Variants in SCAI observed in about 807,000 individuals in gnomAD.
SCAI encodes suppressor of cancer cell invasion.
SCAI carries 24 observed loss-of-function variants against 92.2 expected under a neutral mutation model. The observed-to-expected ratio is 0.26, with a 90% CI of 0.19 to 0.37. The LOEUF (loss-of-function observed/expected upper bound fraction) is 0.37, where lower values mean the gene tolerates loss of function less well. SCAI is among the 10% of genes least tolerant of loss of function. The pLI is 1.00. For synonymous variants in SCAI, 261 were observed against 258.6 expected, an observed-to-expected ratio of 1.01 and a Z score of -0.09; for missense variants, 450 against 736.2, an observed-to-expected ratio of 0.61 and a Z score of 4.50.
chr9:125,090,184 T>A (rs1257416356), intron 2 of SCAI, among the ~76,000 whole-genome samples: 1 of 152,168 alleles, frequency 6.6e-6, no homozygotes, highest in Non-Finnish European at 1.5e-5. Flanking sequence ...AATTAACAAA[T>A]GATGAATACT....
chr9:124,950,090 G>GTC lies in SCAI; in HGVS notation c.*2715_*2716dup, dbSNP rs976222367. 4 of 152,090 alleles carry GTC rather than the reference G, an allele frequency of 2.6e-5. No homozygotes were observed. Among genetic ancestry groups the GTC allele is most frequent in the African/African-American group, 9.7e-5 (4 of 41,394 alleles). 9.4% of individuals were successfully genotyped at this position (152,090 alleles called of 1,614,324 possible). On this transcript the variant is annotated 3_prime_UTR_variant, in exon 18 of 18. Coordinates refer to ENST00000336505, the MANE Select transcript of SCAI (RefSeq NM_001144877.3). ...TAAAAGCTCTAATTTCCTCAGGAGA[G>GTC]TCTCTGTCTGTACTAGTTTCTAAAA...
At chr9:124,968,501 G>A (rs1164151804) in intron 17 of SCAI, 1 of 871,116 alleles carries the variant, frequency 1.1e-6, no homozygotes, top group East Asian at 2.4e-5. Flanking sequence ...TGATCACGTA[G>A]GTTGCTAGAT....
chr9:125,026,906 G>A lies in SCAI; in HGVS notation c.418C>T (p.Arg140Cys), dbSNP rs1161510823. The A allele has an allele frequency of 3.8e-6, 6 of 1,569,854 alleles. No homozygotes were observed. The highest frequency in any genetic ancestry group is 5.2e-6 in the Non-Finnish European group (6 of 1,145,462). ...IGQLYYHYYL[R>C]TSETSYLNEA... ...TTCAGATAGCTGGTTTCCGATGTGCGTAAGCTATGAGAAAAAATATATTTT... is the reference window on the plus strand; with the variant it reads ...TTCAGATAGCTGGTTTCCGATGTGCATAAGCTATGAGAAAAAATATATTTT... Residue 140 changes from arginine to cysteine, a missense_variant, in exon 6 of 18, where the codon CGC becomes TGC. Physicochemically the swap from Arg to Cys is radical, Grantham distance 180. Around this residue, in one of 3 missense-constraint regions of SCAI, gnomAD observed 360 missense variants for 601.8 expected, o/e 0.60. Coordinates refer to ENST00000336505, the MANE Select transcript of SCAI (RefSeq NM_001144877.3).
intron 14 of SCAI, among the ~76,000 whole-genome samples, chr9:124,979,832 G>A (rs1299163817): frequency 2.0e-5 from 3 of 152,056 alleles, no homozygotes; most frequent in African/African-American, 2.4e-5. Context: ...GGCGGATCAC[G>A]AGGTCGGGTG....
At position 125,002,059 on chromosome 9, in the gene SCAI, A is replaced by G; in HGVS notation, c.1066-16T>C. ...CAGGCAGCTCCTGAAATGAAAGAAA[A>G]TCACATACACAAAACAACAAACAAG... On this transcript the variant is annotated splice_polypyrimidine_tract_variant and intron_variant, in intron 11 of 17. Coordinates refer to ENST00000336505, the MANE Select transcript of SCAI (RefSeq NM_001144877.3). The G allele has an allele frequency of 6.4e-7, 1 of 1,563,956 alleles. No individual in the cohort carries two copies. Among genetic ancestry groups the G allele is most frequent in the Non-Finnish European group, 8.8e-7 (1 of 1,133,946 alleles).
At chr9:125,084,260 T>A (rs551872222) in intron 2 of SCAI, among the ~76,000 whole-genome samples, 3 of 134,634 alleles carry the variant, frequency 2.2e-5, no homozygotes, top group African/African-American at 8.3e-5. Context: ...AAGCTCCGCC[T>A]CCCAGGTTCA....
Position 125,110,703 on chromosome 9 carries a change from C to T in SCAI, c.98+31930G>A, listed in dbSNP as rs569764555. On this transcript the variant is annotated intron_variant, in intron 2 of 17. Transcript: ENST00000336505. ...CATGAGGCCTCCACAGAAGCAGAAGCTGCTGTGCTTCCTGTTCTGCCTGTA... is the reference window on the plus strand; with the variant it reads ...CATGAGGCCTCCACAGAAGCAGAAGTTGCTGTGCTTCCTGTTCTGCCTGTA... 2.0e-5 allele frequency among the ~76,000 whole-genome samples: 3 copies of T among 152,204 alleles called. 1 individual carries two copies. In the South Asian group the frequency reaches 6.2e-4, roughly 32 times the overall value.
chr9:124,987,686 G>C (rs1453401953), intron 14 of SCAI, among the ~76,000 whole-genome samples: 1 of 152,142 alleles, frequency 6.6e-6, no homozygotes, highest in Non-Finnish European at 1.5e-5. Context: ...TTTTGGCCGG[G>C]CATGGTGGCT....
At chr9:125,134,586 G>A (rs1469479822) in intron 2 of SCAI, among the ~76,000 whole-genome samples, 4 of 152,198 alleles carry the variant, frequency 2.6e-5, no homozygotes, top group Non-Finnish European at 5.9e-5. Flanking sequence ...GGACCAGAAA[G>A]GATTCTCCAA....
At chr9:124,983,847 T>C (rs964097413) in intron 14 of SCAI, among the ~76,000 whole-genome samples, 10 of 152,254 alleles carry the variant, frequency 6.6e-5, no homozygotes, top group African/African-American at 2.4e-4. Context: ...ATCTGTGTGA[T>C]CTTGGGCAAA....
chr9:124,996,474 T>C (rs913828350), intron 13 of SCAI, among the ~76,000 whole-genome samples: 1 of 151,882 alleles, frequency 6.6e-6, no homozygotes, highest in Non-Finnish European at 1.5e-5. Flanking sequence ...GCTCATTTTT[T>C]ACATTTTTAG....
intron 2 of SCAI, among the ~76,000 whole-genome samples, chr9:125,132,069 T>C (rs1221716914): frequency 1.3e-5 from 2 of 152,058 alleles, no homozygotes; most frequent in Non-Finnish European, 2.9e-5. Context: ...TGCATTTCAC[T>C]CAACATGCTT....
chr9:125,018,624 C>A (rs1318786847), intron 9 of SCAI, among the ~76,000 whole-genome samples, 175 bp downstream of exon 9: 3 of 152,074 alleles, frequency 2.0e-5, no homozygotes, highest in African/African-American at 4.8e-5. Flanking sequence ...ATTAAAAATT[C>A]TTTCTAAGCT....
At chr9:124,968,518 C>T (rs1213960838) in intron 17 of SCAI, 13 of 856,078 alleles carry the variant, frequency 1.5e-5, no homozygotes, top group Non-Finnish European at 1.8e-5. Flanking sequence ...AGATCTCTAC[C>T]CAGTTTACCA....
intron 3 of SCAI, among the ~76,000 whole-genome samples, chr9:125,042,579 T>C (rs1017729138): frequency 1.4e-5 from 2 of 147,918 alleles, no homozygotes; most frequent in African/African-American, 5.0e-5. Context: ...TCTCTTTCCT[T>C]AGTCCAGTCC....
chr9:124,983,971 T>C (rs1355641121), intron 14 of SCAI, among the ~76,000 whole-genome samples: 1 of 152,196 alleles, frequency 6.6e-6, no homozygotes, highest in Non-Finnish European at 1.5e-5. Context: ...CTTAGAACAG[T>C]GCATATTGCT....
intron 2 of SCAI, among the ~76,000 whole-genome samples, chr9:125,074,678 A>G (rs1297871372): frequency 6.6e-6 from 1 of 151,992 alleles, no homozygotes. Context: ...ATTTAAATAC[A>G]AACCCAATAA....
intron 9 of SCAI, 46 bp from the exon 10 acceptor site, chr9:125,003,616 C>T (rs751502498): frequency 9.9e-6 from 12 of 1,209,912 alleles, no homozygotes; most frequent in South Asian, 2.5e-5. Flanking sequence ...TAATGCAACA[C>T]GCAGACTTTA....
chr9:125,068,725 T>C (rs1190529674), intron 2 of SCAI, among the ~76,000 whole-genome samples: 1 of 152,170 alleles, frequency 6.6e-6, no homozygotes, highest in Non-Finnish European at 1.5e-5. Flanking sequence ...TTACCTCAGA[T>C]ACCTGTTGTG....
Sources: allele counts gnomAD v4.1 joint callset (sites outside exome capture counted in the v4.1 genomes callset), GRCh38; gene constraint gnomAD v4.1.1; regional missense constraint gnomAD v4.1.1; transcripts MANE v1.5; gene names NCBI Gene and HGNC (gene_info 2026-07-23, HGNC 2026-07-21).